Variants in ALK observed in about 807,000 individuals in gnomAD.
The protein encoded by ALK is ALK receptor tyrosine kinase.
A neutral mutation model predicts 163.1 loss-of-function variants in ALK; 74 were observed. That is an observed-to-expected ratio of 0.45 (90% CI 0.38 to 0.55). The LOEUF (loss-of-function observed/expected upper bound fraction) is 0.55. Among genes scored for constraint, ALK ranks in the 20% least tolerant of loss-of-function variants. ALK has a pLI of 0.00. For missense variants in ALK, 2,063 were observed against 2,105.3 expected (o/e 0.98, Z 0.39); for synonymous variants, 960 against 843.2 (o/e 1.14, Z -2.40).
chr2:29,889,218 T>G (rs953989470), intron 1 of ALK, among the ~76,000 whole-genome samples: 2 of 151,638 alleles, frequency 1.3e-5, no homozygotes, highest in Non-Finnish European at 1.5e-5. Context: ...TACAATGGTT[T>G]CTCTGCAGTG....
At chr2:29,272,986 G>A (rs1056878281) in intron 11 of ALK, among the ~76,000 whole-genome samples, 1 of 152,214 alleles carries the variant, frequency 6.6e-6, no homozygotes, top group African/African-American at 2.4e-5. Flanking sequence ...GGGCCTGTGT[G>A]AGGACAAGCT....
chr2:29,871,637 T>A (rs1455117573), intron 1 of ALK, among the ~76,000 whole-genome samples: 1 of 152,224 alleles, frequency 6.6e-6, no homozygotes, highest in Non-Finnish European at 1.5e-5. Context: ...CTTGACTACA[T>A]ATGTGCTTAA....
At chr2:29,428,311 T>A (rs1252562277) in intron 4 of ALK, among the ~76,000 whole-genome samples, 1 of 150,928 alleles carries the variant, frequency 6.6e-6, no homozygotes, top group East Asian at 2.0e-4. Context: ...ATAGAGAAAA[T>A]CAATAAAACT....
chr2:29,899,235 T>C (rs537322341), intron 1 of ALK, among the ~76,000 whole-genome samples: 4 of 152,332 alleles, frequency 2.6e-5, no homozygotes, highest in Non-Finnish European at 4.4e-5. Context: ...TCTCTAGTGA[T>C]TGACTTTGGC....
chr2:29,757,803 C>CTGT (rs1003152741), intron 1 of ALK, among the ~76,000 whole-genome samples: 1 of 152,052 alleles, frequency 6.6e-6, no homozygotes, highest in Non-Finnish European at 1.5e-5. Context: ...GTTTTGGTTG[C>CTGT]TGTTGTTTGT....
intron 26 of ALK, among the ~76,000 whole-genome samples, chr2:29,202,966 C>A (rs1159457322): frequency 6.6e-6 from 1 of 152,178 alleles, no homozygotes; most frequent in Non-Finnish European, 1.5e-5. Context: ...GTGTTCAGGA[C>A]AATTACTTAA....
chr2:29,833,723 T>TGACA lies in ALK; in HGVS notation c.667+86266_667+86269dup, dbSNP rs780726127. On this transcript the variant is annotated intron_variant, in intron 1 of 28. Coordinates refer to ENST00000389048, the MANE Select transcript of ALK (RefSeq NM_004304.5). ...TCACAGATGTAGAATTTACTCAAGG[T>TGACA]GACACCGTTCATAGGTGGTAGATTC... Among the ~76,000 whole-genome samples the TGACA allele has an allele frequency of 3.3e-5, 5 of 152,328 alleles. No individual in the cohort carries two copies. The East Asian group carries it at 9.7e-4, about 29-fold the overall frequency.
chr2:29,219,602 CCA>C, intron 23 of ALK, among the ~76,000 whole-genome samples: 1 of 152,314 alleles, frequency 6.6e-6, no homozygotes, highest in South Asian at 2.1e-4. Flanking sequence ...CTGCTCAGCT[CCA>C]GTTCCTGGTA....
chr2:29,366,820 A>C (rs1458339260), intron 5 of ALK, among the ~76,000 whole-genome samples: 1 of 152,234 alleles, frequency 6.6e-6, no homozygotes, highest in African/African-American at 2.4e-5. Flanking sequence ...GTTTACTCTA[A>C]ATTAGTTAGA....
At chr2:29,669,079 G>C (rs2148268543) in intron 3 of ALK, among the ~76,000 whole-genome samples, 1 of 151,994 alleles carries the variant, frequency 6.6e-6, no homozygotes, top group Non-Finnish European at 1.5e-5. Flanking sequence ...CAGCAAAGAT[G>C]GGTGAAATGT....
intron 4 of ALK, among the ~76,000 whole-genome samples, chr2:29,422,976 G>A (rs967735171): frequency 2.7e-5 from 4 of 148,508 alleles, no homozygotes; most frequent in Non-Finnish European, 5.9e-5. Flanking sequence ...ACCTGGAAAT[G>A]TCATCAACAA....
chr2:29,388,566 T>C (rs113201860), intron 4 of ALK, among the ~76,000 whole-genome samples: 29 of 152,338 alleles, frequency 1.9e-4, no homozygotes, highest in African/African-American at 7.0e-4. Context: ...TTCCCTATTT[T>C]TAAGATGGAG....
At chr2:29,613,113 C>G (rs1263503714) in intron 3 of ALK, among the ~76,000 whole-genome samples, 1 of 152,108 alleles carries the variant, frequency 6.6e-6, no homozygotes, top group East Asian at 1.9e-4. Context: ...ATTTCAATCC[C>G]CAAACTAATT....
intron 4 of ALK, among the ~76,000 whole-genome samples, chr2:29,526,105 A>C (rs917441319): frequency 1.3e-5 from 2 of 152,096 alleles, no homozygotes; most frequent in African/African-American, 4.8e-5. Context: ...CCACTCTCCC[A>C]TGACCCTGAG....
At chr2:29,483,191 C>A (rs1671703710) in intron 4 of ALK, among the ~76,000 whole-genome samples, 1 of 152,222 alleles carries the variant, frequency 6.6e-6, no homozygotes, top group Non-Finnish European at 1.5e-5. Flanking sequence ...AGACTTAGTT[C>A]TCTTAGGTAC....
At chr2:29,215,016 A>G (rs77886394) in intron 23 of ALK, among the ~76,000 whole-genome samples, 4,218 of 152,252 alleles carry the variant, frequency 0.028, 176 homozygotes, top group African/African-American at 0.09. Flanking sequence ...CTGGAGGAGT[A>G]TGATTCACAT....
intron 1 of ALK, among the ~76,000 whole-genome samples, chr2:29,721,749 C>T (rs368440701): frequency 2.0e-4 from 30 of 152,264 alleles, no homozygotes; most frequent in African/African-American, 7.2e-4. Flanking sequence ...AACAATTTTC[C>T]CTCTCTACCA....
chr2:29,375,394 C>CT (rs1668730806), intron 5 of ALK, among the ~76,000 whole-genome samples: 1 of 152,222 alleles, frequency 6.6e-6, no homozygotes, highest in Non-Finnish European at 1.5e-5. Context: ...CCTCGGCTCA[C>CT]TGCAAGCTCT....
intron 23 of ALK, among the ~76,000 whole-genome samples, chr2:29,218,595 G>A (rs1669702586): frequency 6.6e-6 from 1 of 152,146 alleles, no homozygotes; most frequent in African/African-American, 2.4e-5. Context: ...GAGAGATAGA[G>A]ACACACCACT....
Sources: allele counts gnomAD v4.1 joint callset (sites outside exome capture counted in the v4.1 genomes callset), GRCh38; gene constraint gnomAD v4.1.1; transcripts MANE v1.5; gene names NCBI Gene and HGNC (gene_info 2026-07-23, HGNC 2026-07-21).